Variants in CSMD1 observed in about 807,000 individuals in gnomAD.
CSMD1 encodes CUB and Sushi multiple domains 1.
CSMD1 carries 213 observed loss-of-function variants against 417.5 expected under a neutral mutation model. That is an observed-to-expected ratio of 0.51 (90% CI 0.46 to 0.57). The LOEUF (loss-of-function observed/expected upper bound fraction) is 0.57. CSMD1 is among the 20% of genes least tolerant of loss of function. The pLI is 0.00. For missense variants in CSMD1, 6,923 were observed against 4,529.7 expected, an observed-to-expected ratio of 1.53 and a Z score of -15.17; for synonymous variants, 2,862 against 1,736.8, an observed-to-expected ratio of 1.65 and a Z score of -16.11.
At chr8:4,332,552 TACAC>T (rs368534632) in intron 3 of CSMD1, among the ~76,000 whole-genome samples, 5,458 of 128,464 alleles carry the variant, frequency 0.042, 138 homozygotes, top group Admixed American at 0.091. Flanking sequence ...TGATATCACA[TACAC>T]ACACACACAC....
At chr8:3,761,074 G>A (rs1045239129) in intron 5 of CSMD1, among the ~76,000 whole-genome samples, 4 of 152,098 alleles carry the variant, frequency 2.6e-5, no homozygotes, top group African/African-American at 9.7e-5. Context: ...GAGAGTTCCT[G>A]ACATGTTATG....
chr8:3,773,973 C>T (rs549485858), intron 5 of CSMD1, among the ~76,000 whole-genome samples: 12 of 152,216 alleles, frequency 7.9e-5, no homozygotes, highest in Admixed American at 6.5e-4. Flanking sequence ...CTGGATTAAC[C>T]CTGCATCTAT....
intron 5 of CSMD1, among the ~76,000 whole-genome samples, chr8:3,965,133 T>C (rs1393915756): frequency 3.3e-5 from 5 of 152,196 alleles, no homozygotes; most frequent in Admixed American, 1.3e-4. Context: ...GTAATTGTGT[T>C]ATTAATATTT....
intron 7 of CSMD1, among the ~76,000 whole-genome samples, chr8:3,656,853 T>G (rs1798136456): frequency 1.3e-5 from 2 of 150,688 alleles, no homozygotes; most frequent in Admixed American, 6.7e-5. Context: ...TGTCCCTGGG[T>G]GGCAGAGGTG....
chr8:3,246,199 G>A (rs1799868035), intron 26 of CSMD1, among the ~76,000 whole-genome samples: 1 of 151,996 alleles, frequency 6.6e-6, no homozygotes, highest in African/African-American at 2.4e-5. Flanking sequence ...TGGTCCCGTG[G>A]GATCAGGGCC....
intron 3 of CSMD1, among the ~76,000 whole-genome samples, chr8:4,323,774 A>G (rs1585232536): frequency 6.6e-6 from 1 of 152,252 alleles, no homozygotes; most frequent in East Asian, 1.9e-4. Flanking sequence ...CCCTGGCCAG[A>G]CCTGCCTATC....
chr8:3,645,334 G>A (rs1386521793), intron 7 of CSMD1, among the ~76,000 whole-genome samples: 2 of 152,192 alleles, frequency 1.3e-5, no homozygotes, highest in Admixed American at 1.3e-4. Flanking sequence ...AAAACCTTCT[G>A]AGCAAAGACC....
At chr8:3,512,125 G>A (rs188591596) in intron 10 of CSMD1, among the ~76,000 whole-genome samples, 1 of 152,206 alleles carries the variant, frequency 6.6e-6, no homozygotes, top group African/African-American at 2.4e-5. Flanking sequence ...CCTGGACTGT[G>A]GCCCCAACCA....
intron 1 of CSMD1, among the ~76,000 whole-genome samples, chr8:4,752,723 G>A (rs1210163649): frequency 1.3e-5 from 2 of 152,164 alleles, no homozygotes; most frequent in Admixed American, 6.5e-5. Flanking sequence ...TTGGGGCAAC[G>A]AAAAAGTTGC....
chr8:4,216,040 C>T (rs1800647798), intron 3 of CSMD1, among the ~76,000 whole-genome samples: 1 of 152,212 alleles, frequency 6.6e-6, no homozygotes, highest in Non-Finnish European at 1.5e-5. Flanking sequence ...CTGACAGCTG[C>T]ACACCCACGC....
intron 3 of CSMD1, among the ~76,000 whole-genome samples, chr8:4,354,052 G>T (rs558815492): frequency 6.6e-6 from 1 of 152,136 alleles, no homozygotes; most frequent in Non-Finnish European, 1.5e-5. Flanking sequence ...TGTCTATGCA[G>T]CTATATATCA....
intron 3 of CSMD1, among the ~76,000 whole-genome samples, chr8:4,336,142 A>C (rs1800155925): frequency 6.6e-6 from 1 of 152,092 alleles, no homozygotes; most frequent in Non-Finnish European, 1.5e-5. Flanking sequence ...TTCTCACTTT[A>C]AGCTCTACCC....
chr8:4,647,408 G>C (rs1485369211), intron 1 of CSMD1, among the ~76,000 whole-genome samples: 3 of 151,140 alleles, frequency 2.0e-5, no homozygotes, highest in South Asian at 4.2e-4. Context: ...TGTTAGGTAG[G>C]TACGCGTGTG....
intron 7 of CSMD1, among the ~76,000 whole-genome samples, chr8:3,637,788 G>C (rs1399161595): frequency 1.3e-5 from 2 of 152,120 alleles, no homozygotes; most frequent in Non-Finnish European, 2.9e-5. Context: ...CCACATCTTG[G>C]GAGGGACCCA....
intron 2 of CSMD1, among the ~76,000 whole-genome samples, chr8:4,604,881 TTGACTC>T (rs1433604061): frequency 8.5e-5 from 13 of 152,222 alleles, no homozygotes; most frequent in African/African-American, 3.1e-4. Flanking sequence ...AAGATTTACT[TTGACTC>T]TGACGGTGTT....
At chr8:4,485,459 C>T (rs1273222991) in intron 2 of CSMD1, among the ~76,000 whole-genome samples, 1 of 152,174 alleles carries the variant, frequency 6.6e-6, no homozygotes, top group Non-Finnish European at 1.5e-5. Context: ...CAAGTTCCTT[C>T]AAATATGTGT....
chr8:3,542,680 G>A (rs1158450707), intron 10 of CSMD1, among the ~76,000 whole-genome samples: 1 of 152,276 alleles, frequency 6.6e-6, no homozygotes, highest in East Asian at 1.9e-4. Flanking sequence ...CCCTATTCTT[G>A]CTCAAATGTC....
At chr8:3,762,741 G>A (rs909692550) in intron 5 of CSMD1, among the ~76,000 whole-genome samples, 1 of 152,162 alleles carries the variant, frequency 6.6e-6, no homozygotes, top group South Asian at 2.1e-4. Flanking sequence ...CCAGGCCACA[G>A]CTCGGCTTGG....
intron 68 of CSMD1, among the ~76,000 whole-genome samples, chr8:2,946,754 A>G (rs1402767430): frequency 1.3e-5 from 2 of 152,258 alleles, no homozygotes; most frequent in African/African-American, 4.8e-5. Flanking sequence ...CTACCCATGT[A>G]GGAATGGAAT....
Sources: gnomAD v4.1 joint callset for allele counts (sites outside exome capture counted in the v4.1 genomes callset) on GRCh38, gnomAD v4.1.1 for gene constraint, MANE v1.5 for transcripts, NCBI Gene and HGNC (gene_info 2026-07-23, HGNC 2026-07-21) for gene names.